Variants in TECPR2 observed in about 807,000 individuals in gnomAD.
TECPR2 encodes tectonin beta-propeller repeat containing 2, also known as tectonin beta-propeller repeat-containing protein 2.
TECPR2 carries 65 observed loss-of-function variants against 138.1 expected under a neutral mutation model. The ratio of observed to expected loss-of-function variants is 0.47; its 90% CI spans 0.39 to 0.58. The LOEUF is 0.58. TECPR2 is among the 20% of genes least tolerant of loss of function. TECPR2 has a pLI of 0.00. For synonymous variants in TECPR2, 746 were observed against 749.8 expected, an observed-to-expected ratio of 0.99 and a Z score of 0.08; for missense variants, 1,553 against 1,824.5, an observed-to-expected ratio of 0.85 and a Z score of 2.71.
chr14:102,375,535 A>G (rs1443969898), intron 1 of TECPR2, among the ~76,000 whole-genome samples: 1 of 152,204 alleles, frequency 6.6e-6, no homozygotes, highest in Non-Finnish European at 1.5e-5. Context: ...CCCTGGGGTG[A>G]GAACGAGCTG....
At chr14:102,377,705 TAAAA>T (rs957757627) in intron 2 of TECPR2, among the ~76,000 whole-genome samples, 2 of 151,916 alleles carry the variant, frequency 1.3e-5, no homozygotes, top group Non-Finnish European at 1.5e-5. Flanking sequence ...GACTCCATCT[TAAAA>T]AAAAGAAAGA....
chr14:102,477,804 G>A (rs1199685863), intron 17 of TECPR2, among the ~76,000 whole-genome samples: 4 of 141,298 alleles, frequency 2.8e-5, no homozygotes, highest in Non-Finnish European at 3.1e-5. Context: ...GCGTGGTGGC[G>A]GGCGCCTGTA....
At chr14:102,435,583 G>A (rs576989954) in intron 9 of TECPR2, among the ~76,000 whole-genome samples, 165 of 152,314 alleles carry the variant, frequency 1.1e-3, no homozygotes, top group Non-Finnish European at 1.3e-3. Context: ...TCCACCTGTG[G>A]AGTAGAGAAA....
intron 18 of TECPR2, among the ~76,000 whole-genome samples, chr14:102,497,354 C>A (rs1891311820): frequency 6.6e-6 from 1 of 151,978 alleles, no homozygotes; most frequent in Non-Finnish European, 1.5e-5. Context: ...CTGCCCAGGC[C>A]CTTCTGTCCT....
Position 102,408,547 on chromosome 14 carries a change from C to T in TECPR2, c.408C>T (p.Ser136=), listed in dbSNP as rs758465886. Residue 136 remains serine, a synonymous_variant, in exon 4 of 20, where the codon AGC becomes AGT. Coordinates refer to ENST00000359520, the MANE Select transcript of TECPR2 (RefSeq NM_014844.5). ...ATAGCATTACAGCTCTGGCTTGGAG[C>T]CCCAATGGAATGAAATTGTTCTCTG... ...HKNSITALAW[S]PNGMKLFSGD... is the part of the protein sequence containing the mutation. 6.2e-7 allele frequency: 1 copy of T among 1,613,466 alleles called. No homozygotes were observed. Among genetic ancestry groups the T allele is most frequent in the African/African-American group, 1.3e-5 (1 of 74,882 alleles).
At chr14:102,410,718 T>C (rs910849166) in intron 4 of TECPR2, among the ~76,000 whole-genome samples, 2 of 152,202 alleles carry the variant, frequency 1.3e-5, no homozygotes, top group African/African-American at 2.4e-5. Context: ...AAAAAAAACT[T>C]GTCATCCCTA....
At chr14:102,447,186 A>G (rs1287932553) in intron 13 of TECPR2, among the ~76,000 whole-genome samples, 1 of 151,704 alleles carries the variant, frequency 6.6e-6, no homozygotes, top group Non-Finnish European at 1.5e-5. Context: ...GCAGAGTCTC[A>G]CTCTTTTGCC....
At chr14:102,449,603 G>A (rs1890083773) in intron 13 of TECPR2, 26 bp from the exon 14 acceptor site, 1 of 1,611,934 alleles carries the variant, frequency 6.2e-7, no homozygotes. Flanking sequence ...CTGACAGCAG[G>A]GCTTTTGCTT....
At chr14:102,371,971 G>A (rs1205685287) in intron 1 of TECPR2, among the ~76,000 whole-genome samples, 1 of 152,136 alleles carries the variant, frequency 6.6e-6, no homozygotes, top group African/African-American at 2.4e-5. Flanking sequence ...TGATGAGATT[G>A]TGACTTTTCT....
rs761101634 is a variant in TECPR2 at position 102,488,774 on chromosome 14, CT to C, written c.3790-8193del. 2.4e-3 allele frequency among the ~76,000 whole-genome samples: 348 copies of C among 146,310 alleles called. 1 individual carries two copies. The highest frequency in any genetic ancestry group is 7.1e-3 in the Middle Eastern group (2 of 282). ...CACTGTCACAACCAAGGCTTGTCTA[CT>C]TTTTTTTTTTTCTAAATTGTGATAA... On this transcript the variant is annotated intron_variant, in intron 17 of 19. Transcript: ENST00000359520.
intron 17 of TECPR2, among the ~76,000 whole-genome samples, chr14:102,470,148 A>C (rs138693017): frequency 6.6e-6 from 1 of 152,116 alleles, no homozygotes; most frequent in Non-Finnish European, 1.5e-5. Context: ...TACTTTTTGG[A>C]AGAGTTTTTG....
chr14:102,381,431 G>C (rs558207137), intron 2 of TECPR2, among the ~76,000 whole-genome samples: 1 of 152,186 alleles, frequency 6.6e-6, no homozygotes, highest in Non-Finnish European at 1.5e-5. Flanking sequence ...AAAATTAGCC[G>C]GGAATAGTGG....
intron 16 of TECPR2, among the ~76,000 whole-genome samples, chr14:102,458,987 A>G (rs1595137224): frequency 6.9e-6 from 1 of 145,406 alleles, no homozygotes; most frequent in Non-Finnish European, 1.5e-5. Flanking sequence ...ATATATATAT[A>G]TATGTAATTT....
intron 9 of TECPR2, among the ~76,000 whole-genome samples, chr14:102,436,630 T>G (rs1771345125): frequency 6.6e-6 from 1 of 152,252 alleles, no homozygotes; most frequent in Non-Finnish European, 1.5e-5. Flanking sequence ...AAGGGTGGCC[T>G]TTTATTCAGT....
chr14:102,432,069 A>C lies in TECPR2; in HGVS notation c.1358A>C (p.Asp453Ala), dbSNP rs1462098975. ...RFNAISSEDF[D>A]QELVVKPIKV... ...AACGCCATCAGCTCAGAGGACTTTG[A>C]CCAGGAGCTTGTCGTGAAGCCTATC... The change falls in exon 8 of 20, where the codon GAC (aspartate) becomes GCC (alanine). Residue 453 changes from aspartate to alanine, a missense_variant. Coordinates refer to ENST00000359520, the MANE Select transcript of TECPR2 (RefSeq NM_014844.5). The C allele has an allele frequency of 6.2e-7, 1 of 1,611,224 alleles. No homozygotes were observed. The highest frequency in any genetic ancestry group is 8.5e-7 in the Non-Finnish European group (1 of 1,178,912).
intron 4 of TECPR2, 29 bp downstream of exon 4, chr14:102,408,648 C>G (rs534901874): frequency 1.3e-6 from 2 of 1,572,700 alleles, no homozygotes; most frequent in Admixed American, 4.1e-5. Context: ...ATACTGTTGG[C>G]TCTTACCTTC....
intron 17 of TECPR2, among the ~76,000 whole-genome samples, chr14:102,495,889 G>A (rs144096036): frequency 2.0e-5 from 3 of 152,234 alleles, no homozygotes; most frequent in Admixed American, 6.5e-5. Context: ...AGGGCACCTC[G>A]ATCCGGGAGG....
intron 7 of TECPR2, among the ~76,000 whole-genome samples, chr14:102,428,946 C>CA (rs1889398155): frequency 1.3e-5 from 2 of 151,440 alleles, no homozygotes; most frequent in South Asian, 4.2e-4. Context: ...CTCCCAGGTT[C>CA]AAGCTATTCT....
At chr14:102,436,708 G>T (rs1212543970) in intron 9 of TECPR2, among the ~76,000 whole-genome samples, 2 of 152,220 alleles carry the variant, frequency 1.3e-5, no homozygotes, top group African/African-American at 4.8e-5. Context: ...CTGTGATTAT[G>T]CTGGGGACCA....
Sources: allele counts gnomAD v4.1 joint callset (sites outside exome capture counted in the v4.1 genomes callset), GRCh38; gene constraint gnomAD v4.1.1; transcripts MANE v1.5; gene names NCBI Gene and HGNC (gene_info 2026-07-23, HGNC 2026-07-21).